The following REEP3 variants were observed in gnomAD, a reference collection of about 807,000 sequenced individuals.
The protein encoded by REEP3 is receptor accessory protein 3, also known as receptor expression-enhancing protein 3.
A neutral mutation model predicts 41.3 loss-of-function variants in REEP3; 20 were observed. That is an observed-to-expected ratio of 0.48 (90% CI 0.34 to 0.70). The LOEUF is 0.70. REEP3 is among the 30% of genes least tolerant of loss of function. The pLI is 0.01. For synonymous variants in REEP3, 104 were observed against 101.8 expected, an observed-to-expected ratio of 1.02 and a Z score of -0.13; for missense variants, 271 against 308.8, an observed-to-expected ratio of 0.88 and a Z score of 0.92.
intron 2 of REEP3, among the ~76,000 whole-genome samples, chr10:63,568,112 CTAAT>C (rs58773707): frequency 0.14 from 21,551 of 151,838 alleles, 3,592 homozygotes; most frequent in African/African-American, 0.41. Context: ...GGTTCATATT[CTAAT>C]ATAAGTTGGA....
At chr10:63,589,785 CTTTTTTTTTTTTTTT>C (rs59658061) in intron 2 of REEP3, among the ~76,000 whole-genome samples, 4 of 80,820 alleles carry the variant, frequency 4.9e-5, no homozygotes, top group Non-Finnish European at 9.2e-5. Flanking sequence ...AGCAGAACAT[CTTTTTTTTTTTTTTT>C]TTTTTTTTTT....
At chr10:63,541,931 A>C (rs913548518) in intron 1 of REEP3, among the ~76,000 whole-genome samples, 2 of 152,214 alleles carry the variant, frequency 1.3e-5, no homozygotes, top group African/African-American at 2.4e-5. Context: ...ATTTTTATGC[A>C]TAAGGTAAAA....
intron 1 of REEP3, among the ~76,000 whole-genome samples, chr10:63,529,102 C>T (rs1182713495): frequency 6.6e-6 from 1 of 152,138 alleles, no homozygotes; most frequent in Non-Finnish European, 1.5e-5. Flanking sequence ...AATATTATGC[C>T]TCATGAATTT....
Position 63,568,273 on chromosome 10 carries a change from T to G in REEP3, c.105+1863T>G, listed in dbSNP as rs574167099. ...GTCATAGACTAATCCTTGTTTGTTT[T>G]TTTTTTTTTTTGAGACGGAGTCTTG... is the stretch of plus-strand genomic sequence containing the variant. On this transcript the variant is annotated intron_variant, in intron 2 of 7. Coordinates refer to ENST00000373758, the MANE Select transcript of REEP3 (RefSeq NM_001001330.3). Among the ~76,000 whole-genome samples the G allele has an allele frequency of 3.1e-3, 474 of 151,596 alleles. 2 individuals are homozygous for G. The highest frequency in any genetic ancestry group is 9.3e-3 in the African/African-American group (384 of 41,376).
At chr10:63,580,939 G>T (rs1046283741) in intron 2 of REEP3, among the ~76,000 whole-genome samples, 1 of 152,190 alleles carries the variant, frequency 6.6e-6, no homozygotes, top group Non-Finnish European at 1.5e-5. Flanking sequence ...CTGAGCCCAG[G>T]AGGCTGAGGC....
intron 2 of REEP3, among the ~76,000 whole-genome samples, chr10:63,591,789 T>C (rs1331888169): frequency 6.6e-6 from 1 of 152,246 alleles, no homozygotes; most frequent in Non-Finnish European, 1.5e-5. Flanking sequence ...GCAGCAGCTC[T>C]AATTCATTCC....
At chr10:63,544,635 C>T (rs1418599937) in intron 1 of REEP3, among the ~76,000 whole-genome samples, 1 of 152,002 alleles carries the variant, frequency 6.6e-6, no homozygotes, top group Non-Finnish European at 1.5e-5. Context: ...GTGAACAGAG[C>T]ACTTTAGATA....
At chr10:63,575,950 C>G (rs1425968014) in intron 2 of REEP3, among the ~76,000 whole-genome samples, 2 of 152,204 alleles carry the variant, frequency 1.3e-5, no homozygotes, top group Non-Finnish European at 2.9e-5. Context: ...TCAGGCTGGT[C>G]TTGAACTACC....
At chr10:63,527,944 CTTTTTTTT>C (rs1564990228) in intron 1 of REEP3, among the ~76,000 whole-genome samples, 21 of 78,946 alleles carry the variant, frequency 2.7e-4, no homozygotes, top group African/African-American at 1.0e-3. Flanking sequence ...AGAAACCTTG[CTTTTTTTT>C]GTTTTTTTTT....
intron 1 of REEP3, among the ~76,000 whole-genome samples, chr10:63,550,746 G>A (rs1242913484): frequency 2.0e-5 from 3 of 152,146 alleles, no homozygotes; most frequent in African/African-American, 4.8e-5. Context: ...CCAGGTTAAG[G>A]AAGGATAAGG....
rs1302035875 is a variant in REEP3, at chr10:63,521,456, C to G, written c.-90C>G. On this transcript the variant is annotated 5_prime_UTR_variant, in exon 1 of 8. Transcript: ENST00000373758. ...GCGCGGCCCCGGGGAGCGCGAGGAGCCGGCGAAGCGCGCGGCCTGCCGTTG... is the reference window on the plus strand; with the variant it reads ...GCGCGGCCCCGGGGAGCGCGAGGAGGCGGCGAAGCGCGCGGCCTGCCGTTG... 2.5e-6 allele frequency: 2 copies of G among 805,186 alleles called. No individual in the cohort carries two copies. Among genetic ancestry groups the G allele is most frequent in the Non-Finnish European group, 3.3e-6 (2 of 610,062 alleles). 49.9% of individuals were successfully genotyped at this position (805,186 alleles called of 1,614,324 possible). A position where few individuals can be genotyped will look rare whatever the true frequency, so the allele number is the denominator to read the frequency against.
Position 63,553,552 on chromosome 10 carries a change from G to A in REEP3, c.33-12786G>A, listed in dbSNP as rs150039895. ...AGTGCCTGTAGGTGACTGTAGCTTAGACTGTACATTAGGTATGAATGTTCT... is the reference window on the plus strand; with the variant it reads ...AGTGCCTGTAGGTGACTGTAGCTTAAACTGTACATTAGGTATGAATGTTCT... On this transcript the variant is annotated intron_variant, in intron 1 of 7. Coordinates refer to ENST00000373758, the MANE Select transcript of REEP3 (RefSeq NM_001001330.3). Among the ~76,000 whole-genome samples the A allele has an allele frequency of 2.8e-4, 42 of 152,170 alleles. 1 individual carries two copies. The highest frequency in any genetic ancestry group is 1.0e-3 in the African/African-American group (42 of 41,508).
intron 1 of REEP3, among the ~76,000 whole-genome samples, 194 bp from the exon 2 acceptor site, chr10:63,566,143 CA>C (rs1955796654): frequency 6.6e-6 from 1 of 152,172 alleles, no homozygotes; most frequent in Non-Finnish European, 1.5e-5. Context: ...CTCGACCTCC[CA>C]AAGTGCTGGG....
intron 1 of REEP3, among the ~76,000 whole-genome samples, chr10:63,530,510 G>A (rs752914463): frequency 4.6e-5 from 7 of 152,140 alleles, no homozygotes; most frequent in Non-Finnish European, 5.9e-5. Context: ...GAAATGCCCT[G>A]TAAGAGGTCA....
intron 1 of REEP3, among the ~76,000 whole-genome samples, chr10:63,551,082 A>G (rs1955624600): frequency 1.3e-5 from 2 of 152,162 alleles, no homozygotes; most frequent in African/African-American, 4.8e-5. Context: ...GGTTTCAAAT[A>G]CCATTTTCCA....
At chr10:63,606,960 G>T (rs1216416046) in intron 5 of REEP3, among the ~76,000 whole-genome samples, 1 of 152,104 alleles carries the variant, frequency 6.6e-6, no homozygotes, top group East Asian at 1.9e-4. Flanking sequence ...TAGAATTCTG[G>T]GGTAGAGGGA....
At chr10:63,604,644 T>C (rs1190239969) in intron 5 of REEP3, among the ~76,000 whole-genome samples, 1 of 152,034 alleles carries the variant, frequency 6.6e-6, no homozygotes, top group East Asian at 1.9e-4. Context: ...CTTAGTATTA[T>C]ACACTTAAAA....
rs867553850 is a variant in REEP3, at chr10:63,576,819, A to T, written c.105+10409A>T. Among the ~76,000 whole-genome samples, 11 of 152,262 alleles carry T rather than the reference A, an allele frequency of 7.2e-5. No individual in the cohort carries two copies. The Middle Eastern group carries it at 0.01, about 141-fold the overall frequency. On this transcript the variant is annotated intron_variant, in intron 2 of 7. Transcript: ENST00000373758. ...CATATGTCATCACATGGTCTTTCTG[A>T]TGTGTGCACATGGAGAGAAATATTC... is the stretch of plus-strand genomic sequence containing the variant.
intron 1 of REEP3, among the ~76,000 whole-genome samples, chr10:63,555,677 A>G (rs1232718371): frequency 2.0e-5 from 3 of 152,228 alleles, no homozygotes; most frequent in Admixed American, 1.3e-4. Context: ...TGACTTTCAC[A>G]TTACTTTAAA....
Sources: gnomAD v4.1 joint callset for allele counts (sites outside exome capture counted in the v4.1 genomes callset) on GRCh38, gnomAD v4.1.1 for gene constraint, MANE v1.5 for transcripts, NCBI Gene and HGNC (gene_info 2026-07-23, HGNC 2026-07-21) for gene names.